Variants in SYT9 observed in about 807,000 individuals in gnomAD.
The protein encoded by SYT9 is synaptotagmin 9, also known as synaptotagmin-9.
Under a neutral mutation model 48.4 loss-of-function variants are expected in SYT9, and 22 were observed. The observed-to-expected ratio is 0.45, with a 90% CI of 0.32 to 0.65. SYT9 has a LOEUF of 0.65. Among genes scored for constraint, SYT9 ranks in the 30% least tolerant of loss-of-function variants. SYT9 has a pLI of 0.03. For synonymous variants in SYT9, 265 were observed against 245.0 expected (o/e 1.08, Z -0.76); for missense variants, 577 against 622.0 (o/e 0.93, Z 0.77).
At chr11:7,379,429 A>G (rs562380910) in intron 3 of SYT9, among the ~76,000 whole-genome samples, 1 of 152,242 alleles carries the variant, frequency 6.6e-6, no homozygotes, top group East Asian at 1.9e-4. Context: ...AACAGCCCTC[A>G]TCATTTCTGG....
intron 3 of SYT9, among the ~76,000 whole-genome samples, chr11:7,338,996 T>C (rs1849672626): frequency 6.6e-6 from 1 of 152,138 alleles, no homozygotes; most frequent in South Asian, 2.1e-4. Context: ...GTAGGTCTCT[T>C]AAGAATTTGC....
chr11:7,334,812 AT>A (rs1357362399), intron 3 of SYT9, among the ~76,000 whole-genome samples: 1 of 152,228 alleles, frequency 6.6e-6, no homozygotes, highest in Non-Finnish European at 1.5e-5. Context: ...TGTATTAATA[AT>A]TCAATCTTTT....
intron 6 of SYT9, among the ~76,000 whole-genome samples, chr11:7,432,698 T>C (rs531698606): frequency 2.0e-5 from 3 of 148,222 alleles, no homozygotes; most frequent in African/African-American, 7.4e-5. Context: ...TTTCTTTTGG[T>C]CAATTTCTCC....
At chr11:7,453,650 G>A (rs1410631566) in intron 6 of SYT9, among the ~76,000 whole-genome samples, 2 of 152,214 alleles carry the variant, frequency 1.3e-5, no homozygotes, top group Non-Finnish European at 2.9e-5. Context: ...GTGCTGGGTG[G>A]CTGGGGAAGG....
At chr11:7,286,340 C>T (rs1396036376) in intron 1 of SYT9, among the ~76,000 whole-genome samples, 2 of 152,210 alleles carry the variant, frequency 1.3e-5, no homozygotes, top group Admixed American at 1.3e-4. Flanking sequence ...ATACCTTGGC[C>T]TCTTTTAGCC....
At chr11:7,374,935 T>C (rs1324533500) in intron 3 of SYT9, among the ~76,000 whole-genome samples, 4 of 152,240 alleles carry the variant, frequency 2.6e-5, no homozygotes, top group Admixed American at 2.6e-4. Flanking sequence ...TTAGATTTGA[T>C]TTGTCAAGTT....
intron 3 of SYT9, among the ~76,000 whole-genome samples, chr11:7,349,293 T>G (rs1849863277): frequency 1.3e-5 from 2 of 151,974 alleles, no homozygotes; most frequent in African/African-American, 4.8e-5. Flanking sequence ...ACACTGTGAA[T>G]GTACTTAATA....
At chr11:7,421,951 A>C (rs1847363977) in intron 6 of SYT9, among the ~76,000 whole-genome samples, 4 of 152,228 alleles carry the variant, frequency 2.6e-5, no homozygotes, top group Admixed American at 2.6e-4. Flanking sequence ...TCATGCTCTC[A>C]ATAAGTAAAG....
At chr11:7,406,463 T>A (rs1847012629) in intron 3 of SYT9, among the ~76,000 whole-genome samples, 1 of 151,562 alleles carries the variant, frequency 6.6e-6, no homozygotes, top group Non-Finnish European at 1.5e-5. Flanking sequence ...CGTAATGACC[T>A]CCATTTCCAT....
At chr11:7,336,532 G>A (rs1849633450) in intron 3 of SYT9, among the ~76,000 whole-genome samples, 1 of 152,120 alleles carries the variant, frequency 6.6e-6, no homozygotes, top group African/African-American at 2.4e-5. Context: ...TGTAAGGAAG[G>A]GGTCTAGTTT....
At chr11:7,399,426 A>G (rs1030498882) in intron 3 of SYT9, among the ~76,000 whole-genome samples, 1 of 152,230 alleles carries the variant, frequency 6.6e-6, no homozygotes, top group Non-Finnish European at 1.5e-5. Context: ...AAACAAGCAA[A>G]GATCTATCAT....
intron 3 of SYT9, among the ~76,000 whole-genome samples, chr11:7,366,947 A>G (rs1271694014): frequency 2.6e-5 from 4 of 151,876 alleles, no homozygotes; most frequent in Non-Finnish European, 5.9e-5. Flanking sequence ...ATATACACAT[A>G]GTAAACTTAT....
intron 2 of SYT9, among the ~76,000 whole-genome samples, chr11:7,312,677 G>A (rs763757586): frequency 1.4e-4 from 22 of 152,156 alleles, no homozygotes; most frequent in Admixed American, 2.0e-4. Flanking sequence ...ATCCCTACAT[G>A]CATTTATAGT....
intron 1 of SYT9, among the ~76,000 whole-genome samples, chr11:7,282,901 C>T (rs781684970): frequency 2.0e-5 from 3 of 149,928 alleles, no homozygotes; most frequent in African/African-American, 2.5e-5. Context: ...ATATATGCAC[C>T]GTGTTAAAAC....
intron 3 of SYT9, among the ~76,000 whole-genome samples, chr11:7,405,083 T>C (rs1247831718): frequency 7.0e-6 from 1 of 143,782 alleles, no homozygotes; most frequent in African/African-American, 2.6e-5. Flanking sequence ...ATCTGATACC[T>C]GTCAAGGTTA....
chr11:7,333,299 C>A (rs1849575009), intron 3 of SYT9, among the ~76,000 whole-genome samples: 1 of 152,180 alleles, frequency 6.6e-6, no homozygotes, highest in Non-Finnish European at 1.5e-5. Flanking sequence ...TCCACACACT[C>A]AGCTATGTGG....
intron 3 of SYT9, among the ~76,000 whole-genome samples, chr11:7,345,433 T>A (rs1849783069): frequency 6.6e-6 from 1 of 152,258 alleles, no homozygotes; most frequent in African/African-American, 2.4e-5. Flanking sequence ...TGAGAGTAAA[T>A]TCATTTCCTG....
chr11:7,335,257 C>T (rs1158229638), intron 3 of SYT9, among the ~76,000 whole-genome samples: 1 of 151,988 alleles, frequency 6.6e-6, no homozygotes, highest in Non-Finnish European at 1.5e-5. Context: ...GCTTATCTAC[C>T]ATCTATTTAT....
chr11:7,365,267 C>T (rs1239897168), intron 3 of SYT9, among the ~76,000 whole-genome samples: 3 of 151,904 alleles, frequency 2.0e-5, no homozygotes, highest in Admixed American at 2.0e-4. Context: ...AAAATAAATG[C>T]TTCAGTCTAA....
Sources: gnomAD v4.1 joint callset for allele counts (sites outside exome capture counted in the v4.1 genomes callset) on GRCh38, gnomAD v4.1.1 for gene constraint, MANE v1.5 for transcripts, NCBI Gene and HGNC (gene_info 2026-07-23, HGNC 2026-07-21) for gene names.